VPS13B: variants seen among roughly 807,000 people sequenced by gnomAD.
VPS13B encodes the protein intermembrane lipid transfer protein VPS13B.
In VPS13B, 285 loss-of-function variants were observed where a neutral mutation model predicts 426.4. That is an observed-to-expected ratio of 0.67 (90% CI 0.61 to 0.74). The LOEUF (loss-of-function observed/expected upper bound fraction) is 0.74. Among genes scored for constraint, VPS13B ranks in the 30% least tolerant of loss-of-function variants. The pLI is 0.00. For synonymous variants in VPS13B, 1,676 were observed against 1,676.4 expected, an observed-to-expected ratio of 1.00 and a Z score of 0.01; for missense variants, 4,537 against 4,782.6, an observed-to-expected ratio of 0.95 and a Z score of 1.51.
At chr8:99,710,214 AAC>A (rs374677768) in intron 36 of VPS13B, among the ~76,000 whole-genome samples, 3,041 of 151,808 alleles carry the variant, frequency 0.02, 109 homozygotes, top group African/African-American at 0.07. Flanking sequence ...ATTTGTTATA[AAC>A]ACACACACAC....
At chr8:99,517,033 G>A (rs1822121987) in intron 29 of VPS13B, among the ~76,000 whole-genome samples, 1 of 152,114 alleles carries the variant, frequency 6.6e-6, no homozygotes, top group Non-Finnish European at 1.5e-5. Flanking sequence ...TGAAACGTTT[G>A]TCTTCAACTG....
intron 3 of VPS13B, among the ~76,000 whole-genome samples, chr8:99,069,516 A>G (rs898666854): frequency 1.3e-5 from 2 of 152,254 alleles, no homozygotes; most frequent in Non-Finnish European, 2.9e-5. Flanking sequence ...GTAGTTATCT[A>G]ATAAGTTATT....
chr8:99,171,872 G>A (rs1812354185), intron 16 of VPS13B, among the ~76,000 whole-genome samples: 1 of 152,084 alleles, frequency 6.6e-6, no homozygotes, highest in Admixed American at 6.6e-5. Context: ...AGTGCAGTTT[G>A]AATTCAATAA....
intron 7 of VPS13B, 97 bp from the exon 8 acceptor site, chr8:99,121,080 G>A: frequency 9.0e-7 from 1 of 1,110,574 alleles, no homozygotes; most frequent in Non-Finnish European, 1.3e-6. Flanking sequence ...CCTTATATTA[G>A]AAGGATATGG....
At position 99,111,183 on chromosome 8, in the gene VPS13B, A is replaced by G. The variant is rs978104295; in HGVS notation, c.666A>G (p.Glu222=). 1 of 1,600,344 alleles carries G rather than the reference A, an allele frequency of 6.2e-7. No homozygotes were observed. Among genetic ancestry groups the G allele is most frequent in the East Asian group, 2.3e-5 (1 of 44,236 alleles). Reference sequence around the variant, plus strand: ...AACGGAATGCCAGTGGTAAAATAGAATTTTACCAGGATCCTTTATTATACA... The same window carrying G: ...AACGGAATGCCAGTGGTAAAATAGAGTTTTACCAGGATCCTTTATTATACA... The part of the protein sequence containing the change: ...LDKRNASGKI[E]FYQDPLLYKC... The change falls in exon 6 of 62, where the codon GAA becomes GAG. Residue 222 remains glutamate (E), a synonymous_variant. Coordinates refer to ENST00000357162, the MANE Select transcript of VPS13B (RefSeq NM_152564.5).
chr8:99,278,083 G>A (rs766128571), intron 19 of VPS13B, among the ~76,000 whole-genome samples: 6 of 152,070 alleles, frequency 3.9e-5, no homozygotes, highest in African/African-American at 7.2e-5. Context: ...TAGATGTCCC[G>A]GTGAGGTTGT....
chr8:99,456,963 A>C (rs1305479529), intron 23 of VPS13B, among the ~76,000 whole-genome samples: 2 of 151,716 alleles, frequency 1.3e-5, no homozygotes, highest in Non-Finnish European at 2.9e-5. Context: ...TAATAATTTA[A>C]TTTCTTTGTT....
At chr8:99,332,902 A>T (rs1364116565) in intron 19 of VPS13B, among the ~76,000 whole-genome samples, 1 of 151,674 alleles carries the variant, frequency 6.6e-6, no homozygotes, top group Non-Finnish European at 1.5e-5. Flanking sequence ...GGGTGGTCAA[A>T]TATAATAGTG....
intron 31 of VPS13B, among the ~76,000 whole-genome samples, chr8:99,572,056 A>C (rs1259355196): frequency 6.6e-6 from 1 of 152,218 alleles, no homozygotes; most frequent in East Asian, 1.9e-4. Flanking sequence ...AATTTATGCC[A>C]ATTCTCTGAT....
intron 33 of VPS13B, among the ~76,000 whole-genome samples, chr8:99,584,372 C>T (rs1265342444): frequency 6.6e-6 from 1 of 152,152 alleles, no homozygotes; most frequent in African/African-American, 2.4e-5. Context: ...TTAAAATTTT[C>T]AGCCCCCATG....
At chr8:99,428,666 CTT>C (rs1816884423) in intron 21 of VPS13B, among the ~76,000 whole-genome samples, 1 of 151,776 alleles carries the variant, frequency 6.6e-6, no homozygotes, top group South Asian at 2.1e-4. Flanking sequence ...AGAAATAACA[CTT>C]TTACACTGTT....
At chr8:99,865,314 C>T (rs1367849465) in intron 58 of VPS13B, among the ~76,000 whole-genome samples, 1 of 152,248 alleles carries the variant, frequency 6.6e-6, no homozygotes, top group Admixed American at 6.5e-5. Flanking sequence ...CCTCCCAAAC[C>T]TGATGCCTTC....
intron 17 of VPS13B, among the ~76,000 whole-genome samples, chr8:99,264,249 T>C (rs1028717070): frequency 6.6e-6 from 1 of 152,036 alleles, no homozygotes; most frequent in Non-Finnish European, 1.5e-5. Flanking sequence ...TTTTTCTGTT[T>C]GTTCCCTAGG....
intron 30 of VPS13B, among the ~76,000 whole-genome samples, chr8:99,523,056 C>A (rs1171437164): frequency 6.6e-6 from 1 of 152,072 alleles, no homozygotes; most frequent in Non-Finnish European, 1.5e-5. Flanking sequence ...TTATGTGATT[C>A]CATTTATTTG....
At chr8:99,103,235 C>G (rs1285909878) in intron 5 of VPS13B, 115 bp downstream of exon 5, 4 of 1,240,290 alleles carry the variant, frequency 3.2e-6, no homozygotes, top group Admixed American at 1.8e-5. Flanking sequence ...ATCTTCATGC[C>G]TCCAGTGTGG....
chr8:99,627,400 T>G (rs1828656507), intron 33 of VPS13B, among the ~76,000 whole-genome samples: 1 of 152,134 alleles, frequency 6.6e-6, no homozygotes, highest in Admixed American at 6.5e-5. Flanking sequence ...ATGCCACATT[T>G]TATTTTATTT....
intron 8 of VPS13B, among the ~76,000 whole-genome samples, chr8:99,122,470 C>A (rs946079602): frequency 6.6e-6 from 1 of 151,756 alleles, no homozygotes; most frequent in Non-Finnish European, 1.5e-5. Context: ...ATCCCAGTAC[C>A]CCTGCACTTC....
chr8:99,202,118 C>T (rs1814367859), intron 17 of VPS13B, among the ~76,000 whole-genome samples: 1 of 152,114 alleles, frequency 6.6e-6, no homozygotes. Context: ...ACTGAGATAA[C>T]AACAGTCAGA....
At chr8:99,740,460 G>A (rs933660650) in intron 39 of VPS13B, among the ~76,000 whole-genome samples, 1 of 152,218 alleles carries the variant, frequency 6.6e-6, no homozygotes. Flanking sequence ...TCAAATTCAG[G>A]AAATACAGAG....
Sources: allele counts gnomAD v4.1 joint callset (sites outside exome capture counted in the v4.1 genomes callset), GRCh38; gene constraint gnomAD v4.1.1; transcripts MANE v1.5; gene names NCBI Gene and HGNC (gene_info 2026-07-23, HGNC 2026-07-21).